The following ALPK2 variants were observed in gnomAD, a reference collection of about 807,000 sequenced individuals.
The protein encoded by ALPK2 is alpha kinase 2.
Under a neutral mutation model 163.1 loss-of-function variants are expected in ALPK2, and 127 were observed. That is an observed-to-expected ratio of 0.78 (90% CI 0.67 to 0.90). The LOEUF (loss-of-function observed/expected upper bound fraction) is 0.90, where lower values mean the gene tolerates loss of function less well. Among genes scored for constraint, ALPK2 ranks in the 40% least tolerant of loss-of-function variants. The pLI, the probability that ALPK2 is intolerant of heterozygous loss-of-function variation, is 0.00. For missense variants in ALPK2, 2,360 were observed against 2,589.6 expected, an observed-to-expected ratio of 0.91 and a Z score of 1.92; for synonymous variants, 953 against 959.1, an observed-to-expected ratio of 0.99 and a Z score of 0.12.
Position 58,536,309 on chromosome 18 carries a change from A to G in ALPK2, c.3878T>C (p.Ile1293Thr). 6.2e-7 allele frequency: 1 copy of G among 1,614,162 alleles called. No homozygotes were observed. The highest frequency in any genetic ancestry group is 1.1e-5 in the South Asian group (1 of 91,082). ...AVVPELAPSE[I>T]AALAHSPEDA... is the part of the protein sequence containing the mutation. The stretch of plus-strand genomic sequence containing the variant: ...CTCTGGACTGTGAGCCAATGCTGCT[A>G]TTTCAGAGGGGGCCAATTCAGGCAC... Residue 1293 changes from isoleucine to threonine, a missense_variant, in exon 5 of 13, where the codon ATA becomes ACA. Physicochemically the swap from Ile to Thr is moderately conservative, Grantham distance 89. Transcript: ENST00000361673.
At chr18:58,489,268 A>G (rs139303391) in intron 12 of ALPK2, among the ~76,000 whole-genome samples, 18 of 152,306 alleles carry the variant, frequency 1.2e-4, no homozygotes, top group Non-Finnish European at 2.6e-4. Flanking sequence ...AAATGTTTCA[A>G]AGCCGTGCCG....
intron 12 of ALPK2, among the ~76,000 whole-genome samples, chr18:58,492,415 A>G (rs576050381): frequency 1.3e-5 from 2 of 152,132 alleles, no homozygotes; most frequent in South Asian, 4.1e-4. Flanking sequence ...CTGATCTGTC[A>G]TGAGGCTCCC....
chr18:58,534,648 G>A (rs1466954136), intron 5 of ALPK2, among the ~76,000 whole-genome samples, 186 bp downstream of exon 5: 2 of 152,176 alleles, frequency 1.3e-5, no homozygotes, highest in African/African-American at 4.8e-5. Flanking sequence ...GGAGCAATCT[G>A]GGTTTTAACA....
chr18:58,604,672 C>G (rs550942156), intron 3 of ALPK2, among the ~76,000 whole-genome samples: 238 of 152,294 alleles, frequency 1.6e-3, no homozygotes, highest in Non-Finnish European at 2.6e-3. Flanking sequence ...TCTTGCATTA[C>G]GACGGAATAC....
At chr18:58,590,490 C>CAAAA in intron 3 of ALPK2, among the ~76,000 whole-genome samples, 1 of 152,174 alleles carries the variant, frequency 6.6e-6, no homozygotes, top group Middle Eastern at 3.4e-3. Context: ...GGGCTCCACT[C>CAAAA]AATAAATAAT....
chr18:58,531,441 C>A (rs2051613454), intron 5 of ALPK2, among the ~76,000 whole-genome samples: 1 of 151,926 alleles, frequency 6.6e-6, no homozygotes, highest in African/African-American at 2.4e-5. Context: ...CAGGATCTTA[C>A]AAAAGCCATC....
At chr18:58,501,792 TTAAGTAAAAA>T (rs2051432596) in intron 11 of ALPK2, among the ~76,000 whole-genome samples, 2 of 152,070 alleles carry the variant, frequency 1.3e-5, no homozygotes, top group African/African-American at 4.8e-5. Flanking sequence ...ATTATGAAGA[TTAAGTAAAAA>T]TAATAGAAAA....
chr18:58,536,049 G>A lies in ALPK2; in HGVS notation c.4138C>T (p.Gln1380Ter). The change falls in exon 5 of 13, where the codon CAA (glutamine) becomes TAA (stop). Residue 1380 changes from glutamine (Q) to a stop codon, truncating the protein, a stop_gained. Coordinates refer to ENST00000361673, the MANE Select transcript of ALPK2 (RefSeq NM_052947.4). LOFTEE classifies it high-confidence loss of function. ...AAGGCAGTGTGATCCATCTTGAGTT[G>A]TTTTTCCTCCTGGTCTTGACTCACA... ...NNVSQDQEEK[Q>*]LKMDHTAFFK... 6.2e-7 allele frequency: 1 copy of A among 1,614,154 alleles called. No homozygotes were observed. Among genetic ancestry groups the A allele is most frequent in the South Asian group, 1.1e-5 (1 of 91,080 alleles).
In ALPK2 at chr18:58,524,038, G is replaced by A. The variant is rs753587692; in HGVS notation, c.5526C>T (p.Ser1842=). 11 of 1,613,802 alleles carry A rather than the reference G, an allele frequency of 6.8e-6. No homozygotes were observed. The South Asian group carries it at 9.9e-5, about 15-fold the overall frequency. ...TCGGACTGGCTTGCACGATGGCAAAGGAAACAGTGGAGTTGTCCCCTGCAC... is the reference window on the plus strand; with the variant it reads ...TCGGACTGGCTTGCACGATGGCAAAAGAAACAGTGGAGTTGTCCCCTGCAC... The part of the protein sequence containing the change: ...QRSAGDNSTV[S]FAIVQASPKD... Residue 1842 remains serine (S), a synonymous_variant, in exon 7 of 13, where the codon TCC becomes TCT. Transcript: ENST00000361673.
Position 58,579,438 on chromosome 18 carries a change from C to T in ALPK2, c.1338G>A (p.Gln446=). ...GAGCAGTGGGGAGTTTATATCTCCC[C>T]TGTTCTGTCACTGAAGACGTTCCAT... The part of the protein sequence containing the change: ...HQDGTSSVTE[Q]GRYKLPTAPE... The change falls in exon 4 of 13, where the codon CAG becomes CAA. Residue 446 remains glutamine, a synonymous_variant. Coordinates refer to ENST00000361673, the MANE Select transcript of ALPK2 (RefSeq NM_052947.4). The T allele has an allele frequency of 6.2e-7, 1 of 1,614,160 alleles. No homozygotes were observed. The highest frequency in any genetic ancestry group is 2.2e-5 in the East Asian group (1 of 44,878).
intron 4 of ALPK2, among the ~76,000 whole-genome samples, chr18:58,559,261 C>T (rs146660629): frequency 3.7e-4 from 56 of 152,236 alleles, no homozygotes; most frequent in Non-Finnish European, 7.1e-4. Context: ...GGGAAGAGAT[C>T]GCTACTGGCC....
intron 4 of ALPK2, among the ~76,000 whole-genome samples, chr18:58,557,592 A>G (rs562253498): frequency 1.2e-4 from 19 of 152,242 alleles, no homozygotes; most frequent in South Asian, 4.1e-4. Context: ...AAAAAAGTCT[A>G]TTAAAGAGAA....
chr18:58,496,868 C>T (rs2051403751), intron 12 of ALPK2, among the ~76,000 whole-genome samples: 1 of 152,206 alleles, frequency 6.6e-6, no homozygotes, highest in South Asian at 2.1e-4. Context: ...TCCAGAGCCA[C>T]ACCCCTAATA....
At chr18:58,620,307 C>G (rs550382541) in intron 1 of ALPK2, among the ~76,000 whole-genome samples, 1 of 152,158 alleles carries the variant, frequency 6.6e-6, no homozygotes, top group Admixed American at 6.5e-5. Context: ...AAAAAACAAA[C>G]AAAACAAAAC....
In ALPK2 at chr18:58,610,963, G is replaced by A. The variant is rs530409597; in HGVS notation, c.109+726C>T. Among the ~76,000 whole-genome samples, 4 of 151,930 alleles carry A rather than the reference G, an allele frequency of 2.6e-5. No homozygotes were observed. In the South Asian group the frequency reaches 6.3e-4, roughly 24 times the overall value. ...ACAAAAATTAGCCGGGTGTAGTGGC[G>A]GGTGCCTGTAATCTCAGCTACTTGG... On this transcript the variant is annotated intron_variant, in intron 2 of 12. Transcript: ENST00000361673.
At chr18:58,540,042 A>T (rs1171300380) in intron 4 of ALPK2, among the ~76,000 whole-genome samples, 1 of 152,262 alleles carries the variant, frequency 6.6e-6, no homozygotes, top group Non-Finnish European at 1.5e-5. Flanking sequence ...ATATTTAGTG[A>T]ATGCCTCCAA....
chr18:58,546,265 A>G (rs1047570114), intron 4 of ALPK2, among the ~76,000 whole-genome samples: 4 of 152,160 alleles, frequency 2.6e-5, no homozygotes, highest in Non-Finnish European at 5.9e-5. Flanking sequence ...TCCTCAGCCA[A>G]CTGGTGTTAC....
chr18:58,625,736 C>G (rs1324333239), intron 1 of ALPK2, among the ~76,000 whole-genome samples: 1 of 152,212 alleles, frequency 6.6e-6, no homozygotes, highest in African/African-American at 2.4e-5. Flanking sequence ...GGCTGTGCAG[C>G]CAGGACATGA....
intron 12 of ALPK2, among the ~76,000 whole-genome samples, chr18:58,485,872 T>C (rs2144094331): frequency 6.6e-6 from 1 of 152,332 alleles, no homozygotes; most frequent in South Asian, 2.1e-4. Context: ...CTTCCCTGTC[T>C]GAGCACATTG....
Sources: allele counts gnomAD v4.1 joint callset (sites outside exome capture counted in the v4.1 genomes callset), GRCh38; gene constraint gnomAD v4.1.1; transcripts MANE v1.5; gene names NCBI Gene and HGNC (gene_info 2026-07-23, HGNC 2026-07-21).